Variants in NRXN3 observed in about 807,000 individuals in gnomAD.
The protein encoded by NRXN3 is neurexin 3.
A neutral mutation model predicts 137.6 loss-of-function variants in NRXN3; 32 were observed. That is an observed-to-expected ratio of 0.23 (90% confidence interval 0.18 to 0.31). The LOEUF (loss-of-function observed/expected upper bound fraction) is 0.31, where lower values mean the gene tolerates loss of function less well. Ranked by LOEUF, NRXN3 falls within the 10% of genes least tolerant of loss-of-function variation. NRXN3 has a pLI of 1.00. For missense variants in NRXN3, 1,574 were observed against 2,062.5 expected (o/e 0.76, Z 4.59); for synonymous variants, 798 against 784.5 (o/e 1.02, Z -0.29).
At chr14:78,539,935 C>A (rs1369867189) in intron 4 of NRXN3, among the ~76,000 whole-genome samples, 1 of 152,148 alleles carries the variant, frequency 6.6e-6, no homozygotes, top group African/African-American at 2.4e-5. Flanking sequence ...GTTTCTTAAT[C>A]CTGAGTTCTA....
intron 15 of NRXN3, among the ~76,000 whole-genome samples, chr14:79,323,238 C>G (rs922794847): frequency 3.9e-5 from 6 of 152,114 alleles, no homozygotes; most frequent in African/African-American, 1.4e-4. Context: ...AACAAGCTCT[C>G]ACTATGTTGC....
intron 15 of NRXN3, among the ~76,000 whole-genome samples, chr14:79,275,419 G>A (rs909562717): frequency 6.6e-6 from 1 of 152,136 alleles, no homozygotes; most frequent in Non-Finnish European, 1.5e-5. Context: ...CATATGAGAT[G>A]TGCCTGCGAA....
chr14:78,774,017 GTCTCCA>G (rs2098737274), intron 8 of NRXN3, among the ~76,000 whole-genome samples: 1 of 152,150 alleles, frequency 6.6e-6, no homozygotes, highest in East Asian at 1.9e-4. Flanking sequence ...GGCCAAGATG[GTCTCCA>G]TCTCTGGACC....
chr14:78,876,413 T>C (rs985792421), intron 10 of NRXN3, among the ~76,000 whole-genome samples: 3 of 152,206 alleles, frequency 2.0e-5, no homozygotes, highest in Non-Finnish European at 4.4e-5. Context: ...TAGAAGTTCA[T>C]GTATTTGCGG....
intron 10 of NRXN3, among the ~76,000 whole-genome samples, chr14:78,940,261 A>G (rs1418575720): frequency 6.6e-6 from 1 of 152,180 alleles, no homozygotes; most frequent in Non-Finnish European, 1.5e-5. Context: ...CACATTCATT[A>G]AAAAGCATAA....
chr14:78,722,810 A>C (rs1014501879), intron 8 of NRXN3, among the ~76,000 whole-genome samples: 14 of 152,266 alleles, frequency 9.2e-5, no homozygotes, highest in African/African-American at 3.4e-4. Context: ...ATGTGCTATT[A>C]TATTCTGGTA....
At chr14:79,290,718 G>C (rs550301310) in intron 15 of NRXN3, among the ~76,000 whole-genome samples, 1 of 151,160 alleles carries the variant, frequency 6.6e-6, no homozygotes, top group Non-Finnish European at 1.5e-5. Flanking sequence ...TTAAAAATGC[G>C]TCTATGGGTC....
intron 15 of NRXN3, among the ~76,000 whole-genome samples, chr14:79,322,441 G>A (rs951795341): frequency 3.3e-5 from 5 of 152,110 alleles, no homozygotes; most frequent in African/African-American, 9.7e-5. Flanking sequence ...AATAAACAAG[G>A]AGCCCAGATT....
At chr14:78,881,608 G>T (rs966678561) in intron 10 of NRXN3, among the ~76,000 whole-genome samples, 1 of 151,622 alleles carries the variant, frequency 6.6e-6, no homozygotes, top group Non-Finnish European at 1.5e-5. Flanking sequence ...TCTAGTAGAA[G>T]AAATTTCTAA....
At position 79,448,253 on chromosome 14, in the gene NRXN3, C is replaced by T. The variant is rs77381699; in HGVS notation, c.3263-18968C>T. Among the ~76,000 whole-genome samples the T allele has an allele frequency of 9.0e-3, 1,377 of 152,330 alleles. 29 individuals carry two copies. The East Asian group carries it at 0.097, about 11-fold the overall frequency. On this transcript the variant is annotated intron_variant, in intron 15 of 20. Transcript: ENST00000335750. ...TCAGAAGACATGGGGCATTCTCCCTCTCTGCACTCAGATTACTATTGCTGT... is the reference window on the plus strand; with the variant it reads ...TCAGAAGACATGGGGCATTCTCCCTTTCTGCACTCAGATTACTATTGCTGT...
intron 15 of NRXN3, among the ~76,000 whole-genome samples, chr14:79,060,589 C>G (rs1423938612): frequency 6.6e-6 from 1 of 151,878 alleles, no homozygotes; most frequent in East Asian, 1.9e-4. Flanking sequence ...TCAAAAGAGC[C>G]AAAGTAATAT....
intron 6 of NRXN3, among the ~76,000 whole-genome samples, chr14:78,688,156 T>G (rs2152762262): frequency 6.6e-6 from 1 of 152,304 alleles, no homozygotes; most frequent in East Asian, 1.9e-4. Flanking sequence ...AATATGACAC[T>G]TAAAGTATCA....
At chr14:78,867,970 T>G (rs1026678266) in intron 10 of NRXN3, among the ~76,000 whole-genome samples, 67 of 148,612 alleles carry the variant, frequency 4.5e-4, no homozygotes, top group African/African-American at 1.6e-3. Context: ...TTTTTATAAT[T>G]ATAAAATTAC....
rs140217100 is a variant in NRXN3, at chr14:78,230,188, C to T, written c.-703-12203C>T. 5.9e-5 allele frequency among the ~76,000 whole-genome samples: 9 copies of T among 152,200 alleles called. No individual in the cohort carries two copies. In the East Asian group the frequency reaches 1.7e-3, roughly 29 times the overall value. On this transcript the variant is annotated intron_variant, in intron 1 of 20. Coordinates refer to ENST00000335750, the MANE Select transcript of NRXN3 (RefSeq NM_001330195.2). ...TACAGGCATGAGCCACCACACCTGA[C>T]TAATTTTTGTATTTTTAGTAGAGAC...
intron 10 of NRXN3, among the ~76,000 whole-genome samples, chr14:78,901,392 C>A (rs2152743444): frequency 6.6e-6 from 1 of 151,940 alleles, no homozygotes; most frequent in East Asian, 1.9e-4. Flanking sequence ...ATTACCCCAA[C>A]TAGACAGTGT....
intron 15 of NRXN3, among the ~76,000 whole-genome samples, chr14:79,019,619 C>T (rs2099585374): frequency 6.6e-6 from 1 of 152,062 alleles, no homozygotes; most frequent in South Asian, 2.1e-4. Flanking sequence ...TTGATAGGTA[C>T]AGGAAAGGAA....
intron 4 of NRXN3, among the ~76,000 whole-genome samples, chr14:78,382,540 C>T (rs2089304554): frequency 6.6e-6 from 1 of 152,142 alleles, no homozygotes; most frequent in East Asian, 1.9e-4. Flanking sequence ...TGTTACAAGT[C>T]AATGTTAGGA....
chr14:79,055,173 T>G (rs2099655839), intron 15 of NRXN3, among the ~76,000 whole-genome samples: 1 of 152,218 alleles, frequency 6.6e-6, no homozygotes, highest in African/African-American at 2.4e-5. Context: ...CGGAACTTCA[T>G]GACTTTTTCA....
chr14:79,768,983 C>A (rs2099066761), intron 19 of NRXN3, among the ~76,000 whole-genome samples: 1 of 151,548 alleles, frequency 6.6e-6, no homozygotes. Context: ...AACGCAGAAG[C>A]CTCAGGAGCC....
Sources: allele counts gnomAD v4.1 joint callset (sites outside exome capture counted in the v4.1 genomes callset), GRCh38; gene constraint gnomAD v4.1.1; transcripts MANE v1.5; gene names NCBI Gene and HGNC (gene_info 2026-07-23, HGNC 2026-07-21).